Variants in LRRC69 observed in about 807,000 individuals in gnomAD.
LRRC69 encodes the protein leucine-rich repeat-containing protein 69.
Under a neutral mutation model 37.8 loss-of-function variants are expected in LRRC69, and 42 were observed. That is an observed-to-expected ratio of 1.11 (90% CI 0.87 to 1.44). The LOEUF is 1.44. Among genes scored for constraint, LRRC69 ranks in the 40% most tolerant of loss-of-function variants. The pLI is 0.00. For synonymous variants in LRRC69, 141 were observed against 143.1 expected, an observed-to-expected ratio of 0.99 and a Z score of 0.11; for missense variants, 357 against 401.9, an observed-to-expected ratio of 0.89 and a Z score of 0.96.
intron 6 of LRRC69, among the ~76,000 whole-genome samples, chr8:91,196,876 T>G (rs550393537): frequency 6.6e-6 from 1 of 152,348 alleles, no homozygotes; most frequent in East Asian, 1.9e-4. Flanking sequence ...TTTGTTCCAT[T>G]GCTGGTGAGG....
At chr8:91,132,766 A>C (rs543464182) in intron 3 of LRRC69, among the ~76,000 whole-genome samples, 1 of 151,944 alleles carries the variant, frequency 6.6e-6, no homozygotes, top group African/African-American at 2.4e-5. Flanking sequence ...ATCTATATAC[A>C]TAGGTATGTC....
intron 5 of LRRC69, among the ~76,000 whole-genome samples, chr8:91,176,134 A>ATATATATATATATATTTTTTTT: frequency 2.6e-5 from 2 of 75,708 alleles, no homozygotes; most frequent in African/African-American, 6.1e-5. Context: ...ATATATATAT[A>ATATATATATATATATTTTTTTT]TTTTTTTTTT....
At chr8:91,177,604 C>T (rs1809254462) in intron 5 of LRRC69, among the ~76,000 whole-genome samples, 1 of 152,106 alleles carries the variant, frequency 6.6e-6, no homozygotes, top group Non-Finnish European at 1.5e-5. Flanking sequence ...TGAAACACTG[C>T]TGCACATGGT....
intron 7 of LRRC69, among the ~76,000 whole-genome samples, chr8:91,205,903 C>T (rs890669738): frequency 6.6e-6 from 1 of 152,100 alleles, no homozygotes; most frequent in Non-Finnish European, 1.5e-5. Flanking sequence ...TTTTTCAATA[C>T]CTTGATGCTC....
chr8:91,211,601 T>TAC (rs1256475915), intron 7 of LRRC69, among the ~76,000 whole-genome samples: 1 of 138,440 alleles, frequency 7.2e-6, no homozygotes, highest in East Asian at 2.0e-4. Flanking sequence ...TACAAATATA[T>TAC]ATATATATAT....
intron 5 of LRRC69, chr8:91,138,849 G>A (rs549744801): frequency 6.6e-6 from 1 of 151,748 alleles, no homozygotes; most frequent in Non-Finnish European, 1.5e-5. Context: ...GATTCCATGA[G>A]TTCAAGATCA....
chr8:91,127,017 G>A (rs1813728712), intron 2 of LRRC69, 71 bp from the exon 3 acceptor site: 1 of 1,165,298 alleles, frequency 8.6e-7, no homozygotes, highest in Non-Finnish European at 1.2e-6. Context: ...ACAAAGGTAT[G>A]TAGAAAAGTA....
At chr8:91,130,018 G>T (rs753162633) in intron 3 of LRRC69, among the ~76,000 whole-genome samples, 2 of 151,666 alleles carry the variant, frequency 1.3e-5, no homozygotes, top group Admixed American at 1.3e-4. Flanking sequence ...ACAAATGTAC[G>T]CACACCAATA....
chr8:91,178,192 G>A (rs144407612), intron 5 of LRRC69, among the ~76,000 whole-genome samples: 28 of 152,202 alleles, frequency 1.8e-4, no homozygotes, highest in African/African-American at 6.7e-4. Flanking sequence ...TATGTTTATC[G>A]GATTTCTGCG....
chr8:91,200,858 T>C, intron 7 of LRRC69, 66 bp downstream of exon 7: 1 of 1,373,094 alleles, frequency 7.3e-7, no homozygotes, highest in Non-Finnish European at 9.7e-7. Context: ...CTTATCTAAA[T>C]CAGTTAATAC....
At chr8:91,118,286 C>G (rs1228812920) in intron 1 of LRRC69, 1 of 437,564 alleles carries the variant, frequency 2.3e-6, no homozygotes, top group Non-Finnish European at 4.5e-6. Context: ...AGGCGGATCA[C>G]TTGAAACCAG....
At chr8:91,173,644 G>A (rs945675704) in intron 5 of LRRC69, among the ~76,000 whole-genome samples, 4 of 152,096 alleles carry the variant, frequency 2.6e-5, no homozygotes, top group Non-Finnish European at 5.9e-5. Flanking sequence ...CTTAGACTGA[G>A]TAATTTATAA....
At chr8:91,156,640 TA>T (rs891661073) in intron 5 of LRRC69, among the ~76,000 whole-genome samples, 25 of 150,944 alleles carry the variant, frequency 1.7e-4, no homozygotes, top group African/African-American at 5.3e-4. Flanking sequence ...ATTCTCTTTT[TA>T]AAAAAAATAT....
At chr8:91,150,144 G>A (rs1010909411) in intron 5 of LRRC69, among the ~76,000 whole-genome samples, 1 of 151,810 alleles carries the variant, frequency 6.6e-6, no homozygotes. Context: ...GGTGAGAGAG[G>A]GCATCCCTGT....
At chr8:91,196,692 C>G (rs1431489682) in intron 6 of LRRC69, among the ~76,000 whole-genome samples, 1 of 151,790 alleles carries the variant, frequency 6.6e-6, no homozygotes, top group East Asian at 1.9e-4. Context: ...GTTTTCAGCT[C>G]CATCAGCTCC....
intron 5 of LRRC69, among the ~76,000 whole-genome samples, chr8:91,177,928 A>G (rs1228746770): frequency 6.9e-6 from 1 of 144,642 alleles, no homozygotes; most frequent in Non-Finnish European, 1.5e-5. Context: ...GGCTCACGGT[A>G]CGCTCCGCCT....
At chr8:91,139,145 T>G (rs1318108764) in intron 5 of LRRC69, 1 of 151,968 alleles carries the variant, frequency 6.6e-6, no homozygotes, top group African/African-American at 2.4e-5. Flanking sequence ...CTTTTTTCCT[T>G]TCTTTTATTT....
intron 5 of LRRC69, among the ~76,000 whole-genome samples, chr8:91,184,624 G>T (rs1040337277): frequency 2.0e-5 from 3 of 152,134 alleles, no homozygotes; most frequent in Non-Finnish European, 4.4e-5. Flanking sequence ...TCTTCATGTT[G>T]CTTTGGAACA....
At chr8:91,190,140 A>G (rs1355155088) in intron 6 of LRRC69, among the ~76,000 whole-genome samples, 1 of 152,210 alleles carries the variant, frequency 6.6e-6, no homozygotes, top group African/African-American at 2.4e-5. Flanking sequence ...TCCATCAAGA[A>G]TTTAGATTTC....
Sources: allele counts gnomAD v4.1 joint callset (sites outside exome capture counted in the v4.1 genomes callset), GRCh38; gene constraint gnomAD v4.1.1; transcripts MANE v1.5; gene names NCBI Gene and HGNC (gene_info 2026-07-23, HGNC 2026-07-21).